The following TUSC3 variants were observed in gnomAD, a reference collection of about 807,000 sequenced individuals.
TUSC3 encodes tumor suppressor candidate 3.
In TUSC3, 45 loss-of-function variants were observed where a neutral mutation model predicts 44.8. The observed-to-expected ratio is 1.00, with a 90% CI of 0.79 to 1.29. The LOEUF is 1.29. Ranked by LOEUF, TUSC3 falls within the 50% of genes most tolerant of loss-of-function variation. The probability of loss-of-function intolerance (pLI) is 0.00; values close to 1 mark genes in which losing one functional copy is unlikely to be tolerated. For missense variants in TUSC3, 519 were observed against 437.9 expected (o/e 1.19, Z -1.65); for synonymous variants, 212 against 152.9 (o/e 1.39, Z -2.85).
At chr8:15,718,484 A>G (rs1182518824) in intron 6 of TUSC3, among the ~76,000 whole-genome samples, 1 of 152,162 alleles carries the variant, frequency 6.6e-6, no homozygotes, top group East Asian at 1.9e-4. Context: ...TCAAGTCAAA[A>G]TGTAGTCAAC....
chr8:15,623,377 T>A, intron 2 of TUSC3, 128 bp downstream of exon 2: 1 of 975,410 alleles, frequency 1.0e-6, no homozygotes, highest in Non-Finnish European at 1.4e-6. Context: ...ACTGTGCATT[T>A]AAAAATAAGC....
the TUSC3 span, among the ~76,000 whole-genome samples, chr8:15,773,458 A>G: frequency 6.6e-6 from 1 of 152,314 alleles, no homozygotes. Context: ...AAAGACCTAA[A>G]CAAATAGAAA....
the TUSC3 span, among the ~76,000 whole-genome samples, chr8:15,824,622 G>A: frequency 2.2e-4 from 34 of 151,990 alleles, no homozygotes; most frequent in African/African-American, 7.7e-4. Flanking sequence ...GTGGGGGGAA[G>A]GGGGACGGAT....
chr8:15,842,296 C>T, the TUSC3 span, among the ~76,000 whole-genome samples: 17 of 152,278 alleles, frequency 1.1e-4, no homozygotes, highest in East Asian at 3.3e-3. Flanking sequence ...TGACTGGTCA[C>T]TTAGCAGTTC....
At chr8:15,508,070 G>A (rs754997845) in intron 2 of TUSC3, among the ~76,000 whole-genome samples, 8 of 151,944 alleles carry the variant, frequency 5.3e-5, no homozygotes, top group Non-Finnish European at 7.4e-5. Flanking sequence ...GGGGAAACCC[G>A]TCTCTACTAA....
chr8:15,458,811 A>G (rs1227118684), intron 1 of TUSC3, among the ~76,000 whole-genome samples: 3 of 152,194 alleles, frequency 2.0e-5, no homozygotes, highest in Non-Finnish European at 2.9e-5. Flanking sequence ...TGCAAGGACA[A>G]AAGGCCAGTT....
At chr8:15,731,101 TGCTCCCC>T (rs1563194637) in intron 7 of TUSC3, among the ~76,000 whole-genome samples, 1 of 152,116 alleles carries the variant, frequency 6.6e-6, no homozygotes, top group African/African-American at 2.4e-5. Context: ...ATTTTCGTAC[TGCTCCCC>T]TTAAATATAT....
intron 1 of TUSC3, among the ~76,000 whole-genome samples, chr8:15,617,516 C>T (rs1199851187): frequency 6.6e-6 from 1 of 152,074 alleles, no homozygotes; most frequent in Non-Finnish European, 1.5e-5. Context: ...CATTCTGGCC[C>T]TCCCCCTTTC....
chr8:15,571,089 G>C (rs577220168), intron 1 of TUSC3, among the ~76,000 whole-genome samples: 1 of 150,680 alleles, frequency 6.6e-6, no homozygotes, highest in African/African-American at 2.4e-5. Context: ...GAGTAGCTGG[G>C]ATTATAGGTG....
At chr8:15,588,948 G>C (rs1315428819) in intron 1 of TUSC3, among the ~76,000 whole-genome samples, 1 of 152,094 alleles carries the variant, frequency 6.6e-6, no homozygotes, top group Non-Finnish European at 1.5e-5. Flanking sequence ...TGCTGTTTTG[G>C]TTATTGTAGC....
chr8:15,639,170 A>G (rs1414995276), intron 2 of TUSC3, among the ~76,000 whole-genome samples: 1 of 151,272 alleles, frequency 6.6e-6, no homozygotes, highest in Admixed American at 6.6e-5. Context: ...TGTCGATGCT[A>G]GATCACGTGA....
At chr8:15,712,005 CT>C (rs1434324657) in intron 6 of TUSC3, among the ~76,000 whole-genome samples, 1 of 151,812 alleles carries the variant, frequency 6.6e-6, no homozygotes, top group African/African-American at 2.4e-5. Flanking sequence ...GATTTTTAAT[CT>C]TTTCCTTCCA....
At chr8:15,851,841 C>T in the TUSC3 span, among the ~76,000 whole-genome samples, 69 of 152,226 alleles carry the variant, frequency 4.5e-4, 1 homozygote, top group African/African-American at 1.6e-3. Context: ...ATAATTCCCA[C>T]GTGTTGTAGG....
chr8:15,748,394 G>T lies in TUSC3; in HGVS notation c.957G>T (p.Leu319Phe). The change falls in exon 9 of 11, where the codon TTG becomes TTT. Residue 319 changes from leucine (L) to phenylalanine (F), a missense_variant. Transcript: ENST00000503731. ...GKRRIICLVG[L>F]GLVVFFFSFL... is the part of the protein sequence containing the mutation. ...TTCTAGTAATTTGCCTAGTGGGATT[G>T]GGCCTGGTGGTCTTCTTCTTCAGTT... 6.2e-7 allele frequency: 1 copy of T among 1,613,372 alleles called. No homozygotes were observed. The highest frequency in any genetic ancestry group is 1.1e-5 in the South Asian group (1 of 91,062).
At chr8:15,466,144 T>C (rs1800410524) in intron 1 of TUSC3, among the ~76,000 whole-genome samples, 1 of 152,156 alleles carries the variant, frequency 6.6e-6, no homozygotes, top group African/African-American at 2.4e-5. Flanking sequence ...ATGACCTCAC[T>C]ATTATTTTGA....
chr8:15,822,691 A>C, the TUSC3 span, among the ~76,000 whole-genome samples: 2 of 152,120 alleles, frequency 1.3e-5, no homozygotes, highest in African/African-American at 2.4e-5. Flanking sequence ...GGGGACAGAG[A>C]AGGAGCATCC....
intron 1 of TUSC3, among the ~76,000 whole-genome samples, chr8:15,440,304 T>A (rs1585790056): frequency 6.6e-6 from 1 of 151,896 alleles, no homozygotes; most frequent in African/African-American, 2.4e-5. Flanking sequence ...ATCCAACAAA[T>A]AAAGCCAATA....
intron 2 of TUSC3, among the ~76,000 whole-genome samples, chr8:15,636,137 C>A (rs760433042): frequency 6.6e-6 from 1 of 152,034 alleles, no homozygotes; most frequent in Non-Finnish European, 1.5e-5. Context: ...AACAACCACG[C>A]CTGTTTTTGG....
At chr8:15,813,393 A>G in the TUSC3 span, among the ~76,000 whole-genome samples, 40 of 110,060 alleles carry the variant, frequency 3.6e-4, no homozygotes, top group African/African-American at 1.2e-3. Context: ...AACAAACAAA[A>G]AAAAAAACAG....
Sources: allele counts gnomAD v4.1 joint callset (sites outside exome capture counted in the v4.1 genomes callset), GRCh38; gene constraint gnomAD v4.1.1; transcripts MANE v1.5; gene names NCBI Gene and HGNC (gene_info 2026-07-23, HGNC 2026-07-21).